KDM5C: variants seen among roughly 807,000 people sequenced by gnomAD.
KDM5C encodes the protein lysine demethylase 5C, also known as lysine-specific demethylase 5C.
KDM5C carries 16 observed loss-of-function variants against 110.6 expected under a neutral mutation model. The observed-to-expected ratio is 0.14, with a 90% CI of 0.10 to 0.22. The LOEUF (loss-of-function observed/expected upper bound fraction) is 0.22, where lower values mean the gene tolerates loss of function less well. Among genes scored for constraint, KDM5C ranks in the 10% least tolerant of loss-of-function variants. The probability of loss-of-function intolerance (pLI) is 1.00; values close to 1 mark genes in which losing one functional copy is unlikely to be tolerated. For synonymous variants in KDM5C, 511 were observed against 520.4 expected (o/e 0.98, Z 0.24); for missense variants, 681 against 1,300.9 (o/e 0.52, Z 7.33).
intron 12 of KDM5C, chrX:53,202,505 T>A (rs1354439676): frequency 8.2e-6 from 1 of 122,172 alleles, no homozygotes; most frequent in Non-Finnish European, 1.7e-5. Flanking sequence ...TATGCATATA[T>A]CCCTAATTTT....
downstream of KDM5C, among the ~76,000 whole-genome samples, chrX:53,188,212 G>A (rs1352517448): frequency 9.0e-6 from 1 of 111,021 alleles, no homozygotes; most frequent in Non-Finnish European, 1.9e-5. Flanking sequence ...ACTTTGGGAA[G>A]TGGTGAATGT....
intron 25 of KDM5C, among the ~76,000 whole-genome samples, chrX:53,179,400 A>C (rs184349517): frequency 1.7e-3 from 195 of 111,950 alleles, no homozygotes; most frequent in Non-Finnish European, 3.3e-3. Context: ...TGCAAAAGAC[A>C]TATCTGATAA....
chrX:53,187,513 T>C (rs1242962449), downstream of KDM5C, among the ~76,000 whole-genome samples: 2 of 111,290 alleles, frequency 1.8e-5, no homozygotes, highest in Non-Finnish European at 3.8e-5. Flanking sequence ...TGTCTCCCAT[T>C]TCCCCTCTTT....
chrX:53,199,573 TTCCA>T (rs1556840550), intron 14 of KDM5C, among the ~76,000 whole-genome samples: 1 of 111,717 alleles, frequency 9.0e-6, no homozygotes. Context: ...GCCCACTGTG[TTCCA>T]GGCACCACGC....
chrX:53,208,626 C>T (rs1184783689), intron 12 of KDM5C, among the ~76,000 whole-genome samples: 1 of 99,350 alleles, frequency 1.0e-5, no homozygotes, highest in Non-Finnish European at 2.0e-5. Context: ...CCGCCTCAGC[C>T]TCCCCAGTAG....
chrX:53,207,032 C>T (rs2073357193), intron 12 of KDM5C, among the ~76,000 whole-genome samples: 1 of 106,469 alleles, frequency 9.4e-6, no homozygotes, highest in Admixed American at 1.0e-4. Flanking sequence ...CAAAAATTAG[C>T]CAGGCACAGT....
intron 25 of KDM5C, among the ~76,000 whole-genome samples, chrX:53,184,987 G>A (rs1406581866): frequency 8.9e-6 from 1 of 111,977 alleles, no homozygotes; most frequent in East Asian, 2.8e-4. Context: ...GTGTAGGCAG[G>A]GGAATCCATC....
rs781803155 is a variant in KDM5C, at chrX:53,218,175, A to G, written c.351+101T>C. ...TGTGCTACCAAGCTGTGCCCCTTCC[A>G]TTGCAGCCTAAAGATCTAATATCCA... On this transcript the variant is annotated intron_variant, in intron 3 of 25. Coordinates refer to ENST00000375401, the MANE Select transcript of KDM5C (RefSeq NM_004187.5). 8.1e-5 allele frequency: 83 copies of G among 1,024,105 alleles called. No individual in the cohort carries two copies. The African/African-American group carries it at 1.3e-3, about 17-fold the overall frequency. The allele number at this position is 1,024,105 out of a possible 1,213,427, so 84.4% of individuals were successfully genotyped here.
chrX:53,212,834 C>A (rs1556849693), intron 8 of KDM5C: 1 of 108,767 alleles, frequency 9.2e-6, no homozygotes, highest in African/African-American at 3.3e-5. Flanking sequence ...AACCCTGTCT[C>A]TACTAGAACT....
intron 12 of KDM5C, among the ~76,000 whole-genome samples, chrX:53,205,558 T>G (rs2073298520): frequency 8.9e-6 from 1 of 112,479 alleles, no homozygotes; most frequent in Non-Finnish European, 1.9e-5. Flanking sequence ...GGAATCCCCA[T>G]GCCCACATGA....
chrX:53,196,398 T>A (rs1192077104), intron 19 of KDM5C, among the ~76,000 whole-genome samples: 1 of 112,893 alleles, frequency 8.9e-6, no homozygotes, highest in Non-Finnish European at 1.9e-5. Context: ...CATCTGCCCA[T>A]CTGCCTGTCA....
At chrX:53,190,361 T>C (rs1934366939), downstream of KDM5C, among the ~76,000 whole-genome samples, 1 of 112,452 alleles carries the variant, frequency 8.9e-6, no homozygotes, top group South Asian at 3.6e-4. Context: ...TGAAAACTGG[T>C]GAAGGATGGG....
chrX:53,198,632 C>G lies in KDM5C; in HGVS notation c.2374G>C (p.Glu792Gln), dbSNP rs782659665. The change falls in exon 17 of 26, where the codon GAA becomes CAA. Residue 792 changes from glutamate (E) to glutamine (Q), a missense_variant. Glu to Gln is a conservative substitution (Grantham distance 29). Coordinates refer to ENST00000375401, the MANE Select transcript of KDM5C (RefSeq NM_004187.5). ...TCAGACTCTAGTGCCCTCAGTTCTT[C>G]AAGGCCTGGAAGAAAAATGAGGGCA... ...EVEDGRKRSL[E>Q]ELRALESEAR... 9.9e-6 allele frequency: 12 copies of G among 1,211,840 alleles called. No homozygotes were observed. In the South Asian group the frequency reaches 2.1e-4, roughly 21 times the overall value.
At chrX:53,195,851 C>T (rs1934802442) in intron 20 of KDM5C, 65 bp downstream of exon 20, 1 of 1,130,784 alleles carries the variant, frequency 8.8e-7, no homozygotes, top group African/African-American at 1.8e-5. Context: ...CAGCACATCC[C>T]AGTGTATATG....
At chrX:53,195,562 C>T in intron 20 of KDM5C, 152 bp from the exon 21 acceptor site, 1 of 558,901 alleles carries the variant, frequency 1.8e-6, no homozygotes, top group South Asian at 2.7e-5. Flanking sequence ...ACTTGGCTCT[C>T]TCCCACAACA....
At chrX:53,187,223 C>A (rs1398746770), downstream of KDM5C, among the ~76,000 whole-genome samples, 1 of 110,637 alleles carries the variant, frequency 9.0e-6, no homozygotes, top group African/African-American at 3.3e-5. Flanking sequence ...CCAAGCCCCC[C>A]TGTGGAACTA....
intron 25 of KDM5C, among the ~76,000 whole-genome samples, chrX:53,178,825 G>A (rs1457594571): frequency 8.9e-6 from 1 of 112,328 alleles, no homozygotes; most frequent in Non-Finnish European, 1.9e-5. Context: ...TCACCCGGGT[G>A]TGATGGCTCA....
At chrX:53,178,432 A>G (rs186916054) in intron 25 of KDM5C, among the ~76,000 whole-genome samples, 1 of 112,177 alleles carries the variant, frequency 8.9e-6, no homozygotes, top group African/African-American at 3.2e-5. Context: ...TAGTCTAATA[A>G]TAGGTAGCAT....
chrX:53,191,626 T>C, downstream of KDM5C: 1 of 174,570 alleles, frequency 5.7e-6, no homozygotes, highest in Non-Finnish European at 1.1e-5. Context: ...GCATAACCTG[T>C]GGAGAAAAAT....
Sources: gnomAD v4.1 joint callset for allele counts (sites outside exome capture counted in the v4.1 genomes callset) on GRCh38, gnomAD v4.1.1 for gene constraint, MANE v1.5 for transcripts, NCBI Gene and HGNC (gene_info 2026-07-23, HGNC 2026-07-21) for gene names.